Variants in SPON1 observed in about 807,000 individuals in gnomAD.
SPON1 encodes spondin 1, also known as spondin-1.
Under a neutral mutation model 111.7 loss-of-function variants are expected in SPON1, and 52 were observed. The ratio of observed to expected loss-of-function variants is 0.47; its 90% CI spans 0.37 to 0.59. The LOEUF (loss-of-function observed/expected upper bound fraction) is 0.59. Ranked by LOEUF, SPON1 falls within the 20% of genes least tolerant of loss-of-function variation. SPON1 has a pLI of 0.00. For synonymous variants in SPON1, 410 were observed against 395.8 expected (o/e 1.04, Z -0.43); for missense variants, 957 against 1,068.5 (o/e 0.90, Z 1.46).
At chr11:14,223,597 G>A (rs536248490) in intron 6 of SPON1, among the ~76,000 whole-genome samples, 1 of 152,318 alleles carries the variant, frequency 6.6e-6, no homozygotes, top group South Asian at 2.1e-4. Context: ...TGACTCTGGA[G>A]AAAATGCCAG....
At chr11:14,151,506 A>G (rs1847787828) in intron 6 of SPON1, among the ~76,000 whole-genome samples, 1 of 152,320 alleles carries the variant, frequency 6.6e-6, no homozygotes, top group Admixed American at 6.5e-5. Flanking sequence ...AATAATTGTC[A>G]ACATCTACTG....
chr11:14,032,523 C>G (rs1442071070), intron 2 of SPON1, among the ~76,000 whole-genome samples: 1 of 152,188 alleles, frequency 6.6e-6, no homozygotes, highest in African/African-American at 2.4e-5. Flanking sequence ...TACCGAGGGC[C>G]TGTTAACAGC....
chr11:14,026,595 T>G (rs1228222560), intron 2 of SPON1, among the ~76,000 whole-genome samples: 2 of 151,960 alleles, frequency 1.3e-5, no homozygotes, highest in South Asian at 2.1e-4. Flanking sequence ...GGAAACGGGG[T>G]GCACAAACAG....
intron 2 of SPON1, among the ~76,000 whole-genome samples, chr11:14,008,197 A>C (rs1180951495): frequency 6.6e-6 from 1 of 152,176 alleles, no homozygotes; most frequent in Non-Finnish European, 1.5e-5. Flanking sequence ...ATCACATTAG[A>C]TATTATAAGT....
At chr11:14,152,446 A>G (rs946514825) in intron 6 of SPON1, among the ~76,000 whole-genome samples, 2 of 152,202 alleles carry the variant, frequency 1.3e-5, no homozygotes, top group Non-Finnish European at 1.5e-5. Context: ...GCATTGATCC[A>G]TGTATGTTAT....
intron 6 of SPON1, 103 bp from the exon 7 acceptor site, chr11:14,243,229 C>CA (rs1848948401): frequency 9.0e-7 from 1 of 1,114,302 alleles, no homozygotes; most frequent in Non-Finnish European, 1.3e-6. Flanking sequence ...AAAGCCCCAA[C>CA]AGCAGGTGAG....
chr11:13,976,864 G>A (rs1234019618), intron 1 of SPON1, among the ~76,000 whole-genome samples: 3 of 152,076 alleles, frequency 2.0e-5, no homozygotes, highest in African/African-American at 7.2e-5. Context: ...TCCCTTTCCT[G>A]TACATGTTAC....
intron 5 of SPON1, among the ~76,000 whole-genome samples, chr11:14,090,507 T>A (rs1849042015): frequency 6.6e-6 from 1 of 151,878 alleles, no homozygotes; most frequent in African/African-American, 2.4e-5. Flanking sequence ...GTGTTTGGAG[T>A]TTCTTCCTTC....
chr11:14,168,387 G>A (rs906342953), intron 6 of SPON1, among the ~76,000 whole-genome samples: 8 of 152,100 alleles, frequency 5.3e-5, no homozygotes, highest in African/African-American at 1.2e-4. Flanking sequence ...CTGACAAAAT[G>A]TTTGATTTAA....
intron 7 of SPON1, among the ~76,000 whole-genome samples, chr11:14,254,226 A>T (rs1849082274): frequency 1.3e-5 from 2 of 152,174 alleles, no homozygotes; most frequent in Non-Finnish European, 2.9e-5. Context: ...GGCAACAGTG[A>T]GCCATGATCA....
chr11:14,031,759 T>A (rs1370668122), intron 2 of SPON1, among the ~76,000 whole-genome samples: 3 of 152,160 alleles, frequency 2.0e-5, no homozygotes, highest in African/African-American at 4.8e-5. Context: ...AAAAAATCTA[T>A]ATTGAAAGCC....
At chr11:14,071,910 G>T (rs1283887376) in intron 3 of SPON1, among the ~76,000 whole-genome samples, 1 of 152,114 alleles carries the variant, frequency 6.6e-6, no homozygotes, top group Non-Finnish European at 1.5e-5. Context: ...TGTTGGCCAG[G>T]CTGGTCGCAA....
intron 6 of SPON1, among the ~76,000 whole-genome samples, chr11:14,189,477 G>C (rs915933790): frequency 6.6e-6 from 1 of 152,094 alleles, no homozygotes; most frequent in South Asian, 2.1e-4. Context: ...CCCCCTCGGA[G>C]GCAAATCTCA....
chr11:14,179,778 ACTTC>A (rs1456925856), intron 6 of SPON1, among the ~76,000 whole-genome samples: 1 of 152,084 alleles, frequency 6.6e-6, no homozygotes, highest in Non-Finnish European at 1.5e-5. Flanking sequence ...CCTCTTCTGC[ACTTC>A]TCGCAGTAGC....
chr11:13,995,908 G>A (rs994026475), intron 2 of SPON1, among the ~76,000 whole-genome samples: 7 of 152,192 alleles, frequency 4.6e-5, no homozygotes, highest in African/African-American at 1.7e-4. Flanking sequence ...CTGCATCTGT[G>A]CAAATAAGAA....
rs111660009 is a variant in SPON1 at position 13,981,516 on chromosome 11, C to G, written c.239-1331C>G. 5.4e-3 allele frequency among the ~76,000 whole-genome samples: 823 copies of G among 152,216 alleles called. 12 individuals are homozygous for G. The highest frequency in any genetic ancestry group is 0.019 in the African/African-American group (786 of 41,532). ...TAATTGTTTGTATTTTTAGTAGAGACGGGGTTTCACCGTGTTAGCCAGGAT... is the reference window on the plus strand; with the variant it reads ...TAATTGTTTGTATTTTTAGTAGAGAGGGGGTTTCACCGTGTTAGCCAGGAT... On this transcript the variant is annotated intron_variant, in intron 1 of 15. Coordinates refer to ENST00000576479, the MANE Select transcript of SPON1 (RefSeq NM_006108.4).
intron 6 of SPON1, among the ~76,000 whole-genome samples, chr11:14,161,821 C>T (rs1007818110): frequency 1.3e-5 from 2 of 152,042 alleles, no homozygotes; most frequent in African/African-American, 4.8e-5. Context: ...ATAAGTTGAA[C>T]CATCATAAGA....
chr11:14,114,597 C>A (rs1849252868), intron 5 of SPON1, among the ~76,000 whole-genome samples: 1 of 152,158 alleles, frequency 6.6e-6, no homozygotes, highest in South Asian at 2.1e-4. Context: ...CTGTGATTGC[C>A]ACCCTCCATC....
intron 3 of SPON1, among the ~76,000 whole-genome samples, chr11:14,060,858 G>A (rs1423706018): frequency 6.6e-6 from 1 of 152,150 alleles, no homozygotes; most frequent in Admixed American, 6.5e-5. Context: ...GTAGGTCCCA[G>A]TTACTGTGCC....
Sources: allele counts gnomAD v4.1 joint callset (sites outside exome capture counted in the v4.1 genomes callset), GRCh38; gene constraint gnomAD v4.1.1; transcripts MANE v1.5; gene names NCBI Gene and HGNC (gene_info 2026-07-23, HGNC 2026-07-21).